HCN1: variants seen among roughly 807,000 people sequenced by gnomAD.
HCN1 encodes potassium/sodium hyperpolarization-activated cyclic nucleotide-gated channel 1.
HCN1 carries 13 observed loss-of-function variants against 78.9 expected under a neutral mutation model. The ratio of observed to expected loss-of-function variants is 0.16; its 90% CI spans 0.11 to 0.26. The LOEUF is 0.26. HCN1 is among the 10% of genes least tolerant of loss of function. The probability of loss-of-function intolerance (pLI) is 1.00; values close to 1 mark genes in which losing one functional copy is unlikely to be tolerated. For missense variants in HCN1, 810 were observed against 1,154.3 expected, an observed-to-expected ratio of 0.70 and a Z score of 4.32; for synonymous variants, 552 against 455.5, an observed-to-expected ratio of 1.21 and a Z score of -2.70.
intron 1 of HCN1, among the ~76,000 whole-genome samples, chr5:45,656,017 TA>T (rs575327974): frequency 2.3e-3 from 357 of 152,236 alleles, no homozygotes; most frequent in African/African-American, 8.1e-3. Context: ...ATACACAAAC[TA>T]TATGCAAATA....
At chr5:45,378,866 T>C (rs901216296) in intron 4 of HCN1, among the ~76,000 whole-genome samples, 2 of 152,052 alleles carry the variant, frequency 1.3e-5, no homozygotes, top group African/African-American at 2.4e-5. Context: ...AGTGAGAACA[T>C]GCGGTGTTTG....
rs551730465 is a variant in HCN1 at position 45,608,234 on chromosome 5, A to C, written c.849+36951T>G. ...ATGATAATAAGTAATACCTAAATCA[A>C]TAGAACACATACCATGTTCATAACT... On this transcript the variant is annotated intron_variant, in intron 2 of 7. Coordinates refer to ENST00000303230, the MANE Select transcript of HCN1 (RefSeq NM_021072.4). Among the ~76,000 whole-genome samples the C allele has an allele frequency of 5.9e-5, 9 of 152,150 alleles. 1 individual carries two copies. The highest frequency in any genetic ancestry group is 6.8e-3 in the Middle Eastern group (2 of 294).
At chr5:45,505,115 G>A (rs528720717) in intron 2 of HCN1, among the ~76,000 whole-genome samples, 22 of 151,946 alleles carry the variant, frequency 1.4e-4, no homozygotes, top group South Asian at 8.3e-4. Flanking sequence ...ATTAGATTCC[G>A]TTTGTCAATT....
intron 3 of HCN1, among the ~76,000 whole-genome samples, chr5:45,434,071 G>A (rs1409547583): frequency 6.6e-6 from 1 of 152,112 alleles, no homozygotes; most frequent in Non-Finnish European, 1.5e-5. Flanking sequence ...CTCCCCCAAA[G>A]GTGTATTCAG....
intron 1 of HCN1, among the ~76,000 whole-genome samples, chr5:45,671,737 T>C (rs1008963220): frequency 2.6e-5 from 4 of 151,670 alleles, no homozygotes; most frequent in Non-Finnish European, 3.0e-5. Context: ...TGTTCCAATA[T>C]AAACAATAGT....
intron 2 of HCN1, among the ~76,000 whole-genome samples, chr5:45,506,939 T>C (rs1384369248): frequency 1.3e-5 from 2 of 152,128 alleles, no homozygotes; most frequent in African/African-American, 4.8e-5. Flanking sequence ...TGACATTTCT[T>C]AATGGAAAGA....
At chr5:45,551,412 T>C (rs1443956978) in intron 2 of HCN1, among the ~76,000 whole-genome samples, 3 of 151,236 alleles carry the variant, frequency 2.0e-5, no homozygotes, top group Admixed American at 2.0e-4. Flanking sequence ...TAGAAATATA[T>C]CCAAGAGTTT....
chr5:45,362,134 G>A (rs1229258429), intron 4 of HCN1, among the ~76,000 whole-genome samples: 2 of 150,612 alleles, frequency 1.3e-5, no homozygotes, highest in African/African-American at 4.9e-5. Flanking sequence ...TATTACTATA[G>A]TTTTGCTTGG....
At chr5:45,302,750 A>G (rs1745653750) in intron 6 of HCN1, among the ~76,000 whole-genome samples, 1 of 151,710 alleles carries the variant, frequency 6.6e-6, no homozygotes, top group African/African-American at 2.4e-5. Context: ...ACCCAGGGGG[A>G]GGTAATTGAA....
chr5:45,268,140 A>G (rs537130582), intron 6 of HCN1, among the ~76,000 whole-genome samples: 41 of 152,216 alleles, frequency 2.7e-4, no homozygotes, highest in Non-Finnish European at 5.0e-4. Flanking sequence ...ATCAGTATGA[A>G]GAAAGTGATA....
intron 3 of HCN1, among the ~76,000 whole-genome samples, chr5:45,427,805 A>G (rs943902503): frequency 1.3e-5 from 2 of 152,100 alleles, no homozygotes; most frequent in Non-Finnish European, 2.9e-5. Flanking sequence ...GTCATGTAGC[A>G]TAAGAGTATT....
chr5:45,464,833 A>T (rs1741235326), intron 2 of HCN1, among the ~76,000 whole-genome samples: 1 of 152,090 alleles, frequency 6.6e-6, no homozygotes, highest in Non-Finnish European at 1.5e-5. Flanking sequence ...AAAGATTTGG[A>T]ATGAGAAGGC....
chr5:45,626,467 C>T (rs1391973420), intron 2 of HCN1, among the ~76,000 whole-genome samples: 2 of 152,032 alleles, frequency 1.3e-5, no homozygotes, highest in Non-Finnish European at 2.9e-5. Flanking sequence ...CTACTAGAGA[C>T]AGAGTAGCAA....
chr5:45,652,879 AT>A (rs1745703732), intron 1 of HCN1, among the ~76,000 whole-genome samples: 1 of 151,756 alleles, frequency 6.6e-6, no homozygotes. Context: ...CTAATACAAT[AT>A]TTTTCAAATT....
At chr5:45,566,127 T>C (rs367802424) in intron 2 of HCN1, among the ~76,000 whole-genome samples, 2 of 152,288 alleles carry the variant, frequency 1.3e-5, no homozygotes, top group Non-Finnish European at 2.9e-5. Context: ...TCTAACAATG[T>C]AATTACTGAA....
chr5:45,550,063 G>A (rs1743332882), intron 2 of HCN1, among the ~76,000 whole-genome samples: 1 of 152,092 alleles, frequency 6.6e-6, no homozygotes, highest in African/African-American at 2.4e-5. Flanking sequence ...CTGTAAACTA[G>A]TTCAACCATT....
chr5:45,267,354 A>G, intron 6 of HCN1, 101 bp from the exon 7 acceptor site: 1 of 1,039,160 alleles, frequency 9.6e-7, no homozygotes, highest in Non-Finnish European at 1.5e-6. Flanking sequence ...TGGTGTGAAA[A>G]AACAATTATT....
chr5:45,382,858 A>G (rs1747836459), intron 4 of HCN1, among the ~76,000 whole-genome samples: 1 of 152,192 alleles, frequency 6.6e-6, no homozygotes, highest in African/African-American at 2.4e-5. Context: ...GCACTTAAGC[A>G]ATTGTTATGA....
chr5:45,413,177 G>A (rs954975699), intron 3 of HCN1, among the ~76,000 whole-genome samples: 1 of 152,038 alleles, frequency 6.6e-6, no homozygotes, highest in African/African-American at 2.4e-5. Context: ...GAAACTTAGA[G>A]TAGGAAATAG....
Sources: allele counts gnomAD v4.1 joint callset (sites outside exome capture counted in the v4.1 genomes callset), GRCh38; gene constraint gnomAD v4.1.1; transcripts MANE v1.5; gene names NCBI Gene and HGNC (gene_info 2026-07-23, HGNC 2026-07-21).